The following BCKDHB variants were observed in gnomAD, a reference collection of about 807,000 sequenced individuals.
BCKDHB encodes branched chain keto acid dehydrogenase E1 subunit beta.
BCKDHB carries 41 observed loss-of-function variants against 48.5 expected under a neutral mutation model. That is an observed-to-expected ratio of 0.85 (90% CI 0.66 to 1.10). The LOEUF (loss-of-function observed/expected upper bound fraction) is 1.10, where lower values mean the gene tolerates loss of function less well. BCKDHB is among the 50% of genes least tolerant of loss of function. The pLI, the probability that BCKDHB is intolerant of heterozygous loss-of-function variation, is 0.00. For synonymous variants in BCKDHB, 201 were observed against 174.8 expected (o/e 1.15, Z -1.18); for missense variants, 496 against 494.2 (o/e 1.00, Z -0.03).
the BCKDHB span, among the ~76,000 whole-genome samples, chr6:80,358,849 A>G: frequency 6.6e-6 from 1 of 152,182 alleles, no homozygotes; most frequent in East Asian, 1.9e-4. Flanking sequence ...TCACTTTAAA[A>G]TAGTAAATTT....
At chr6:80,404,645 G>A in the BCKDHB span, among the ~76,000 whole-genome samples, 233 of 151,790 alleles carry the variant, frequency 1.5e-3, 1 homozygote, top group Non-Finnish European at 1.5e-3. Flanking sequence ...CTTCCATAAG[G>A]TATAACAGGT....
At chr6:80,296,492 C>T (rs1055421436) in intron 9 of BCKDHB, among the ~76,000 whole-genome samples, 2 of 152,090 alleles carry the variant, frequency 1.3e-5, no homozygotes, top group South Asian at 4.1e-4. Flanking sequence ...AACATCACTC[C>T]TGTATGATTT....
In BCKDHB at chr6:80,283,042, G is replaced by A. The variant is rs543900067; in HGVS notation, c.1038+9821G>A. On this transcript the variant is annotated intron_variant, in intron 9 of 9. Transcript: ENST00000320393. ...CTTACTCAGAATTGTCATGTGGGATGATTTTAAAACCAATGCCACCTCACC... is the reference window on the plus strand; with the variant it reads ...CTTACTCAGAATTGTCATGTGGGATAATTTTAAAACCAATGCCACCTCACC... 3.6e-3 allele frequency among the ~76,000 whole-genome samples: 547 copies of A among 152,194 alleles called. 1 individual carries two copies. Among genetic ancestry groups the A allele is most frequent in the African/African-American group, 0.013 (533 of 41,548 alleles).
intron 3 of BCKDHB, among the ~76,000 whole-genome samples, chr6:80,135,500 A>G (rs189091876): frequency 6.6e-6 from 1 of 152,126 alleles, no homozygotes; most frequent in Non-Finnish European, 1.5e-5. Flanking sequence ...TAATATATTT[A>G]TTAAAAATAT....
chr6:80,440,361 A>T, the BCKDHB span, among the ~76,000 whole-genome samples: 1 of 152,116 alleles, frequency 6.6e-6, no homozygotes, highest in African/African-American at 2.4e-5. Flanking sequence ...TTCCTTAAGC[A>T]CAGTCATAAA....
chr6:80,159,308 CA>C (rs765628100), intron 3 of BCKDHB, among the ~76,000 whole-genome samples: 6 of 151,758 alleles, frequency 4.0e-5, no homozygotes, highest in African/African-American at 1.5e-4. Context: ...AAAAAAACAA[CA>C]AAAAAACTAT....
chr6:80,343,563 T>A, intron 9 of BCKDHB, 101 bp from the exon 10 acceptor site: 1 of 1,279,568 alleles, frequency 7.8e-7, no homozygotes. Flanking sequence ...TGTCCTTAGA[T>A]GCAATTGTAT....
At chr6:80,356,379 T>C in the BCKDHB span, 1 of 152,318 alleles carries the variant, frequency 6.6e-6, no homozygotes, top group East Asian at 1.9e-4. Flanking sequence ...TAGGATAATA[T>C]GGTATAGCTG....
chr6:80,407,163 T>C, the BCKDHB span, among the ~76,000 whole-genome samples: 16 of 152,310 alleles, frequency 1.1e-4, no homozygotes, highest in Non-Finnish European at 2.1e-4. Context: ...ATTAGATGGA[T>C]ATAGATGTGT....
intron 8 of BCKDHB, among the ~76,000 whole-genome samples, chr6:80,247,395 A>G (rs141850116): frequency 4.6e-5 from 7 of 152,338 alleles, no homozygotes; most frequent in African/African-American, 1.4e-4. Context: ...CACAAGAAGA[A>G]TACTCAATCA....
At chr6:80,457,015 C>T in the BCKDHB span, among the ~76,000 whole-genome samples, 1 of 152,224 alleles carries the variant, frequency 6.6e-6, no homozygotes, top group Non-Finnish European at 1.5e-5. Flanking sequence ...ATCAATTAGA[C>T]TTCTTCATCA....
At chr6:80,188,050 C>T (rs910663826) in intron 6 of BCKDHB, among the ~76,000 whole-genome samples, 4 of 152,090 alleles carry the variant, frequency 2.6e-5, no homozygotes, top group African/African-American at 9.7e-5. Context: ...CAGCACTATT[C>T]ACAATAGCAA....
chr6:80,403,789 G>A, the BCKDHB span, among the ~76,000 whole-genome samples: 2 of 151,924 alleles, frequency 1.3e-5, no homozygotes, highest in Non-Finnish European at 2.9e-5. Flanking sequence ...TGTCATGAAA[G>A]TTGTTGAATT....
chr6:80,195,884 C>T (rs1164249216), intron 6 of BCKDHB, among the ~76,000 whole-genome samples: 1 of 152,108 alleles, frequency 6.6e-6, no homozygotes, highest in Non-Finnish European at 1.5e-5. Flanking sequence ...TGTAATCAGA[C>T]AGCATGAGCT....
intron 8 of BCKDHB, among the ~76,000 whole-genome samples, chr6:80,244,103 A>G (rs1246586493): frequency 1.3e-5 from 2 of 152,208 alleles, no homozygotes; most frequent in Non-Finnish European, 2.9e-5. Context: ...CTGGGTTTTT[A>G]ATGTTAGGAA....
chr6:80,337,824 A>T (rs1224226190), intron 9 of BCKDHB, among the ~76,000 whole-genome samples: 1 of 152,144 alleles, frequency 6.6e-6, no homozygotes. Flanking sequence ...TAAAATCCTG[A>T]TTTATCAGAT....
At chr6:80,434,565 T>G in the BCKDHB span, among the ~76,000 whole-genome samples, 1 of 152,122 alleles carries the variant, frequency 6.6e-6, no homozygotes, top group Non-Finnish European at 1.5e-5. Context: ...TAAATACTGT[T>G]TTTTATTTCA....
At chr6:80,126,237 T>C (rs1408230724) in intron 1 of BCKDHB, among the ~76,000 whole-genome samples, 1 of 152,080 alleles carries the variant, frequency 6.6e-6, no homozygotes, top group Non-Finnish European at 1.5e-5. Context: ...CATTCAGTAC[T>C]GTTGAAAGGA....
chr6:80,197,923 T>C (rs1315223408), intron 6 of BCKDHB, among the ~76,000 whole-genome samples: 2 of 147,762 alleles, frequency 1.4e-5, no homozygotes, highest in Non-Finnish European at 3.0e-5. Context: ...TCCATTGATC[T>C]ATCCATCTGT....
Sources: allele counts gnomAD v4.1 joint callset (sites outside exome capture counted in the v4.1 genomes callset), GRCh38; gene constraint gnomAD v4.1.1; transcripts MANE v1.5; gene names NCBI Gene and HGNC (gene_info 2026-07-23, HGNC 2026-07-21).